Variants in TEX15 observed in about 807,000 individuals in gnomAD.
The protein encoded by TEX15 is testis expressed 15, meiosis and synapsis associated, also known as testis-expressed protein 15.
Under a neutral mutation model 237.3 loss-of-function variants are expected in TEX15, and 171 were observed. That is an observed-to-expected ratio of 0.72 (90% CI 0.64 to 0.82). The LOEUF (loss-of-function observed/expected upper bound fraction) is 0.82, where lower values mean the gene tolerates loss of function less well. Ranked by LOEUF, TEX15 falls within the 40% of genes least tolerant of loss-of-function variation. The pLI is 0.00. For synonymous variants in TEX15, 1,338 were observed against 1,269.8 expected, an observed-to-expected ratio of 1.05 and a Z score of -1.14; for missense variants, 3,750 against 3,646.5, an observed-to-expected ratio of 1.03 and a Z score of -0.73.
rs1233977548 is a variant in TEX15 at position 30,847,979 on chromosome 8, C to T, written c.2188G>A (p.Glu730Lys). 6.2e-7 allele frequency: 1 copy of T among 1,613,750 alleles called. No homozygotes were observed. The highest frequency in any genetic ancestry group is 8.5e-7 in the Non-Finnish European group (1 of 1,179,868). Residue 730 changes from glutamate to lysine, a missense_variant, in exon 8 of 11, where the codon GAG becomes AAG. Transcript: ENST00000643185. ...LSQKHPQHSV[E>K]YEGNIHTSLA... ...CTTGTATGAATGTTACCCTCATACT[C>T]CACAGAGTGCTGAGGATGCTTTTGT... is the stretch of plus-strand genomic sequence containing the variant.
intron 3 of TEX15, among the ~76,000 whole-genome samples, chr8:30,875,625 T>C (rs963650210): frequency 6.6e-6 from 1 of 152,152 alleles, no homozygotes; most frequent in Non-Finnish European, 1.5e-5. Context: ...AATAGATGCA[T>C]AAAAGGATAA....
chr8:30,868,520 T>C (rs929317979), intron 4 of TEX15, among the ~76,000 whole-genome samples: 2 of 152,090 alleles, frequency 1.3e-5, no homozygotes, highest in Admixed American at 1.3e-4. Context: ...TTATAGAATG[T>C]GTTTGAAGTA....
At chr8:30,904,213 C>T (rs975242692) in intron 1 of TEX15, among the ~76,000 whole-genome samples, 1 of 152,050 alleles carries the variant, frequency 6.6e-6, no homozygotes, top group Non-Finnish European at 1.5e-5. Context: ...TTGGGAGGCT[C>T]AGGTGGGTGG....
intron 2 of TEX15, chr8:30,890,409 T>A (rs543780218): frequency 7.9e-5 from 12 of 152,244 alleles, no homozygotes; most frequent in Admixed American, 7.2e-4. Flanking sequence ...AAAGTAAAAA[T>A]GATAATACAT....
At chr8:30,880,148 C>A (rs2128774448) in intron 3 of TEX15, among the ~76,000 whole-genome samples, 2 of 152,196 alleles carry the variant, frequency 1.3e-5, no homozygotes, top group East Asian at 1.9e-4. Flanking sequence ...CATGACTCAC[C>A]CTCCCAAGTA....
In TEX15 at chr8:30,845,440, G is replaced by T. The variant is rs762491640; in HGVS notation, c.4727C>A (p.Thr1576Lys). ...KLIEKENQIDTAFLSSTSKYE... is the reference protein window; with the variant it reads ...KLIEKENQIDKAFLSSTSKYE... Reference sequence around the variant, plus strand: ...TTTACTAGTGCTAGATAAAAATGCTGTATCAATTTGATTTTCTTTTTCTAT... The same window carrying T: ...TTTACTAGTGCTAGATAAAAATGCTTTATCAATTTGATTTTCTTTTTCTAT... The change falls in exon 8 of 11, where the codon ACA (threonine) becomes AAA (lysine). Residue 1576 changes from threonine to lysine, a missense_variant. Coordinates refer to ENST00000643185, the MANE Select transcript of TEX15 (RefSeq NM_001350162.2). The T allele has an allele frequency of 3.1e-6, 5 of 1,612,502 alleles. No individual in the cohort carries two copies. Among genetic ancestry groups the T allele is most frequent in the Non-Finnish European group, 4.2e-6 (5 of 1,179,150 alleles).
chr8:30,890,355 T>A lies in TEX15; in HGVS notation c.-9-3044A>T, dbSNP rs578160160. ...AAGAAGAAATAAAAACAATGAATAA[T>A]CCTGTTATTATTAGGAGGAAATTAA... On this transcript the variant is annotated intron_variant, in intron 2 of 10. Transcript: ENST00000643185. 8.5e-5 allele frequency among the ~76,000 whole-genome samples: 13 copies of A among 152,178 alleles called. No individual in the cohort carries two copies. The South Asian group carries it at 2.7e-3, about 32-fold the overall frequency.
chr8:30,840,684 C>A (rs994888385), intron 8 of TEX15, among the ~76,000 whole-genome samples: 11 of 152,106 alleles, frequency 7.2e-5, no homozygotes, highest in African/African-American at 2.4e-4. Flanking sequence ...AGTACTACTA[C>A]TTATTACTAT....
chr8:30,858,929 T>TGGAAGTATATAAATA, intron 6 of TEX15, 99 bp from the exon 7 acceptor site: 1 of 773,242 alleles, frequency 1.3e-6, no homozygotes, highest in Non-Finnish European at 1.9e-6. Context: ...ATTATTTATA[T>TGGAAGTATATAAATA]ACTTCCATAT....
At chr8:30,859,843 A>G in intron 6 of TEX15, 68 bp downstream of exon 6, 1 of 1,194,858 alleles carries the variant, frequency 8.4e-7, no homozygotes. Flanking sequence ...CATTTTGGGA[A>G]TTTAAGTCTT....
chr8:30,851,579 C>T (rs939723055), intron 7 of TEX15, among the ~76,000 whole-genome samples: 1 of 151,910 alleles, frequency 6.6e-6, no homozygotes, highest in African/African-American at 2.4e-5. Context: ...TTGCAGTGAG[C>T]TGAGATCACA....
Position 30,867,442 on chromosome 8 carries a change from T to G in TEX15, c.363A>C (p.Leu121Phe). The change falls in exon 5 of 11, where the codon TTA becomes TTC. Residue 121 changes from leucine to phenylalanine, a missense_variant. Leu to Phe is a conservative substitution (Grantham distance 22). Coordinates refer to ENST00000643185, the MANE Select transcript of TEX15 (RefSeq NM_001350162.2). ...CRELEEQFCF[L>F]ALPQSDVAQI... The stretch of plus-strand genomic sequence containing the variant: ...GGGCTACATCACTCTGGGGAAGTGC[T>G]AAAAAGCAGAACTGTTCTTCAAGTT... The G allele has an allele frequency of 1.3e-6, 2 of 1,534,854 alleles. No homozygotes were observed. The highest frequency in any genetic ancestry group is 1.7e-6 in the Non-Finnish European group (2 of 1,146,072).
rs1563235232 is a variant in TEX15 at position 30,844,391 on chromosome 8, CCTT to C, written c.5773_5775del (p.Lys1925del). 6.8e-6 allele frequency: 11 copies of C among 1,610,124 alleles called. No individual in the cohort carries two copies. Among genetic ancestry groups the C allele is most frequent in the Middle Eastern group, 1.7e-4 (1 of 6,044 alleles). ...GAGTCTTTACTAACTTTAATTTCCC[CCTT>C]CTTCTCTCTTTTGTTAAGCGGATTA... is the stretch of plus-strand genomic sequence containing the variant. On this transcript the variant is annotated inframe_deletion, in exon 8 of 11. Transcript: ENST00000643185.
chr8:30,864,233 A>C (rs2128771251), intron 5 of TEX15, among the ~76,000 whole-genome samples: 1 of 151,878 alleles, frequency 6.6e-6, no homozygotes, highest in South Asian at 2.1e-4. Context: ...AAGTGATCTT[A>C]AAGATTGGAA....
intron 1 of TEX15, among the ~76,000 whole-genome samples, chr8:30,899,785 C>G (rs901974121): frequency 6.6e-6 from 1 of 152,156 alleles, no homozygotes; most frequent in Non-Finnish European, 1.5e-5. Context: ...AACCCTAACT[C>G]TGACCGTATG....
In TEX15 at chr8:30,842,823, G is replaced by A. The variant is rs139370287; in HGVS notation, c.7344C>T (p.Ile2448=). Residue 2448 remains isoleucine (I), a synonymous_variant, in exon 8 of 11, where the codon ATC becomes ATT. Coordinates refer to ENST00000643185, the MANE Select transcript of TEX15 (RefSeq NM_001350162.2). ...KPEAIEMYIE[I]VMVSETIHFL... is the part of the protein sequence containing the mutation. Reference sequence around the variant, plus strand: ...AGTGAATTGTTTCTGAGACCATGACGATTTCAATATACATTTCAATAGCTT... The same window carrying A: ...AGTGAATTGTTTCTGAGACCATGACAATTTCAATATACATTTCAATAGCTT... 9.5e-5 allele frequency: 153 copies of A among 1,612,820 alleles called. No homozygotes were observed. The highest frequency in any genetic ancestry group is 1.2e-4 in the Non-Finnish European group (139 of 1,179,384).
rs539363731 is a variant in TEX15 at position 30,841,841 on chromosome 8, G to A, written c.8163+163C>T. 2.0e-5 allele frequency among the ~76,000 whole-genome samples: 3 copies of A among 152,250 alleles called. 1 individual carries two copies. The South Asian group carries it at 6.2e-4, about 32-fold the overall frequency. On this transcript the variant is annotated intron_variant, in intron 8 of 10. Coordinates refer to ENST00000643185, the MANE Select transcript of TEX15 (RefSeq NM_001350162.2). Reference sequence around the variant, plus strand: ...CATATAATTTATGTATCATTTTATAGATAATATGAATTGTTTAAATCAATA... The same window carrying A: ...CATATAATTTATGTATCATTTTATAAATAATATGAATTGTTTAAATCAATA...
At chr8:30,861,787 C>T (rs323363) in intron 5 of TEX15, among the ~76,000 whole-genome samples, 53,256 of 151,924 alleles carry the variant, frequency 0.35, 14,098 homozygotes, top group African/African-American at 0.74. Context: ...AGAAGCCTAG[C>T]TCTTAAAATA....
intron 7 of TEX15, among the ~76,000 whole-genome samples, chr8:30,850,839 C>A (rs1807766349): frequency 1.3e-5 from 2 of 151,710 alleles, no homozygotes; most frequent in African/African-American, 4.8e-5. Context: ...TTTAATAGGT[C>A]AAAATGCATG....
Sources: allele counts gnomAD v4.1 joint callset (sites outside exome capture counted in the v4.1 genomes callset), GRCh38; gene constraint gnomAD v4.1.1; transcripts MANE v1.5; gene names NCBI Gene and HGNC (gene_info 2026-07-23, HGNC 2026-07-21).